TEAD4: variants seen among roughly 807,000 people sequenced by gnomAD.
The protein encoded by TEAD4 is transcriptional enhancer factor TEF-3.
In TEAD4, 36 loss-of-function variants were observed where a neutral mutation model predicts 52.4. The observed-to-expected ratio is 0.69, with a 90% CI of 0.53 to 0.91. The LOEUF is 0.91. Ranked by LOEUF, TEAD4 falls within the 40% of genes least tolerant of loss-of-function variation. The probability of loss-of-function intolerance (pLI) is 0.00; values close to 1 mark genes in which losing one functional copy is unlikely to be tolerated. For missense variants in TEAD4, 508 were observed against 583.9 expected (o/e 0.87, Z 1.34); for synonymous variants, 220 against 231.0 (o/e 0.95, Z 0.43).
intron 2 of TEAD4, among the ~76,000 whole-genome samples, chr12:2,962,303 T>TATAAATATATAAATATATAA: frequency 1.8e-5 from 2 of 112,660 alleles, no homozygotes; most frequent in African/African-American, 7.1e-5. Context: ...TATATATAAA[T>TATAAATATATAAATATATAA]ATAAATATAT....
intron 10 of TEAD4, among the ~76,000 whole-genome samples, chr12:3,024,783 C>T (rs955770306): frequency 1.3e-5 from 2 of 151,934 alleles, no homozygotes; most frequent in African/African-American, 4.8e-5. Context: ...TTTAATAAGC[C>T]TATTCTTAAA....
intron 10 of TEAD4, among the ~76,000 whole-genome samples, chr12:3,029,384 C>T (rs2098274080): frequency 6.6e-6 from 1 of 151,926 alleles, no homozygotes; most frequent in Admixed American, 6.6e-5. Flanking sequence ...ACTTCAGGCG[C>T]CCGCCACCAC....
chr12:3,009,637 TG>T (rs1166011809), intron 3 of TEAD4, among the ~76,000 whole-genome samples: 1 of 152,154 alleles, frequency 6.6e-6, no homozygotes, highest in Non-Finnish European at 1.5e-5. Flanking sequence ...TAGTTAGACC[TG>T]GGGTAGAACT....
In TEAD4 at chr12:2,959,550, C is replaced by T. The variant is rs2098213446; in HGVS notation, c.-123+69C>T. The T allele has an allele frequency of 6.7e-6, 1 of 149,358 alleles. No individual in the cohort carries two copies. The highest frequency in any genetic ancestry group is 6.7e-5 in the Admixed American group (1 of 14,940). 9.3% of individuals were successfully genotyped at this position (149,358 alleles called of 1,614,324 possible). A position where few individuals can be genotyped will look rare whatever the true frequency, so the allele number is the denominator to read the frequency against. On this transcript the variant is annotated intron_variant, in intron 1 of 12. Transcript: ENST00000359864. The surrounding 1 kb of genome is among the most constrained non-coding windows in gnomAD (Gnocchi z 5.1). ...GGCCGCGCGCCCCACGCCGCCGCAG[C>T]CGACCGCTCGCGCCGCGTGCTCGGC...
rs1228302153 is a variant in TEAD4 at position 2,970,304 on chromosome 12, G to A, written c.-30+10264G>A. ...CACGTGGGGCGAGTGGTCGTGGTTG[G>A]CACAGTGTGGCTTTCCAGCCAGCCC... On this transcript the variant is annotated intron_variant, in intron 2 of 12. Coordinates refer to ENST00000359864, the MANE Select transcript of TEAD4 (RefSeq NM_003213.4). 2.6e-5 allele frequency among the ~76,000 whole-genome samples: 4 copies of A among 152,196 alleles called. No individual in the cohort carries two copies. The South Asian group carries it at 8.3e-4, about 32-fold the overall frequency.
intron 5 of TEAD4, among the ~76,000 whole-genome samples, chr12:3,015,042 A>G (rs1028016388): frequency 1.3e-5 from 2 of 152,164 alleles, no homozygotes; most frequent in Non-Finnish European, 2.9e-5. Flanking sequence ...CTTACTAGTT[A>G]GCTCCCTCTT....
At chr12:3,003,934 G>A (rs1448072821) in intron 3 of TEAD4, among the ~76,000 whole-genome samples, 1 of 152,214 alleles carries the variant, frequency 6.6e-6, no homozygotes, top group Non-Finnish European at 1.5e-5. Context: ...CCTCAGCTGG[G>A]TGCTTTACAA....
intron 2 of TEAD4, among the ~76,000 whole-genome samples, chr12:2,992,448 G>A (rs562997951): frequency 3.1e-4 from 47 of 151,944 alleles, no homozygotes; most frequent in South Asian, 1.2e-3. Flanking sequence ...CCCTCCCCTC[G>A]ATCCTCACCC....
intron 3 of TEAD4, among the ~76,000 whole-genome samples, chr12:2,997,277 T>C (rs2098248011): frequency 6.6e-6 from 1 of 152,166 alleles, no homozygotes; most frequent in African/African-American, 2.4e-5. Flanking sequence ...ACCCCTGAAA[T>C]ATTTACTGGC....
At chr12:2,963,522 G>A (rs917312670) in intron 2 of TEAD4, among the ~76,000 whole-genome samples, 2 of 152,204 alleles carry the variant, frequency 1.3e-5, no homozygotes, top group African/African-American at 4.8e-5. Context: ...GGGGGTGAGG[G>A]GGCTGTCAGC....
chr12:2,976,191 A>G (rs1255038907), intron 2 of TEAD4, among the ~76,000 whole-genome samples: 2 of 151,888 alleles, frequency 1.3e-5, no homozygotes, highest in Non-Finnish European at 2.9e-5. Context: ...TTTTTAGTAG[A>G]CACACCATTT....
At chr12:2,968,337 C>T (rs940667518) in intron 2 of TEAD4, among the ~76,000 whole-genome samples, 31 of 148,878 alleles carry the variant, frequency 2.1e-4, no homozygotes, top group African/African-American at 4.7e-4. Context: ...CTGCCCACCT[C>T]GGCCTCCCAA....
intron 2 of TEAD4, among the ~76,000 whole-genome samples, chr12:2,985,148 G>A (rs2098237060): frequency 6.6e-6 from 1 of 152,034 alleles, no homozygotes; most frequent in Admixed American, 6.5e-5. Context: ...ACTTTGGGAG[G>A]CCGAGGCGGG....
At chr12:3,022,078 G>A (rs1365174427) in intron 10 of TEAD4, 61 bp downstream of exon 10, 4 of 1,583,974 alleles carry the variant, frequency 2.5e-6, no homozygotes, top group Non-Finnish European at 3.4e-6. Flanking sequence ...TGAGAACGGG[G>A]CGAGAGTGCC....
Position 2,972,963 on chromosome 12 carries a change from C to T in TEAD4, c.-30+12923C>T, listed in dbSNP as rs61916420. Among the ~76,000 whole-genome samples the T allele has an allele frequency of 7.8e-3, 1,195 of 152,280 alleles. 16 individuals carry two copies. Among genetic ancestry groups the T allele is most frequent in the African/African-American group, 0.027 (1,133 of 41,550 alleles). On this transcript the variant is annotated intron_variant, in intron 2 of 12. Transcript: ENST00000359864. ...GGTAAAGACTGTTCCATCCCCCAAACGATTCCATCCATGCATTGGCCCCTT... is the reference window on the plus strand; with the variant it reads ...GGTAAAGACTGTTCCATCCCCCAAATGATTCCATCCATGCATTGGCCCCTT...
At chr12:2,967,173 T>TA (rs2098221126) in intron 2 of TEAD4, among the ~76,000 whole-genome samples, 1 of 151,648 alleles carries the variant, frequency 6.6e-6, no homozygotes, top group African/African-American at 2.4e-5. Context: ...CCCTGGAAAA[T>TA]AAAGAAAGGC....
intron 10 of TEAD4, among the ~76,000 whole-genome samples, chr12:3,035,504 T>C (rs2098278802): frequency 6.6e-6 from 1 of 152,150 alleles, no homozygotes; most frequent in African/African-American, 2.4e-5. Context: ...GTCAGTCTCC[T>C]AGGAGGAGCA....
At chr12:3,021,798 C>A (rs1455286409) in intron 9 of TEAD4, 46 bp from the exon 10 acceptor site, 3 of 1,588,960 alleles carry the variant, frequency 1.9e-6, no homozygotes, top group Non-Finnish European at 1.7e-6. Flanking sequence ...GTCTGTCTGA[C>A]CGTCTGGCCT....
Position 3,019,158 on chromosome 12 carries a change from C to A in TEAD4, c.571C>A (p.Leu191Met). ...GCAAACCTATGCTGTCCAGCCTCCG[C>A]TGCCTCTGCCAGGTGGGTGGGCGCT... The change falls in exon 8 of 13, where the codon CTG (leucine) becomes ATG (methionine). Residue 191 changes from leucine (L) to methionine (M), a missense_variant. Coordinates refer to ENST00000359864, the MANE Select transcript of TEAD4 (RefSeq NM_003213.4). 6.2e-7 allele frequency: 1 copy of A among 1,614,034 alleles called. No individual in the cohort carries two copies. The highest frequency in any genetic ancestry group is 8.5e-7 in the Non-Finnish European group (1 of 1,179,988).
Sources: gnomAD v4.1 joint callset for allele counts (sites outside exome capture counted in the v4.1 genomes callset) on GRCh38, gnomAD v4.1.1 for gene constraint, Gnocchi (gnomAD v3.1) non-coding constraint, MANE v1.5 for transcripts, NCBI Gene and HGNC (gene_info 2026-07-23, HGNC 2026-07-21) for gene names.